ADAMTS2: variants seen among roughly 807,000 people sequenced by gnomAD.
The protein encoded by ADAMTS2 is A disintegrin and metalloproteinase with thrombospondin motifs 2.
A neutral mutation model predicts 123.0 loss-of-function variants in ADAMTS2; 50 were observed. That is an observed-to-expected ratio of 0.41 (90% CI 0.32 to 0.51). The LOEUF (loss-of-function observed/expected upper bound fraction) is 0.51. Ranked by LOEUF, ADAMTS2 falls within the 20% of genes least tolerant of loss-of-function variation. ADAMTS2 has a pLI of 0.35. For synonymous variants in ADAMTS2, 678 were observed against 695.4 expected (o/e 0.98, Z 0.39); for missense variants, 1,494 against 1,705.2 (o/e 0.88, Z 2.18).
intron 5 of ADAMTS2, among the ~76,000 whole-genome samples, chr5:179,172,298 G>A (rs948511968): frequency 5.9e-5 from 9 of 152,176 alleles, no homozygotes; most frequent in Non-Finnish European, 1.0e-4. Context: ...CCTGACAACC[G>A]GTCCCCTGCC....
chr5:179,116,552 T>C (rs1762662862), intron 21 of ADAMTS2, among the ~76,000 whole-genome samples: 1 of 152,128 alleles, frequency 6.6e-6, no homozygotes, highest in Non-Finnish European at 1.5e-5. Context: ...AATTGTCAGA[T>C]GAATGACTAG....
intron 4 of ADAMTS2, among the ~76,000 whole-genome samples, chr5:179,186,601 C>G (rs1764175700): frequency 6.6e-6 from 1 of 152,234 alleles, no homozygotes; most frequent in African/African-American, 2.4e-5. Context: ...ATGGGAACCA[C>G]TGGGAGTAAT....
At chr5:179,169,692 C>A (rs1309828126) in intron 5 of ADAMTS2, among the ~76,000 whole-genome samples, 1 of 152,188 alleles carries the variant, frequency 6.6e-6, no homozygotes, top group African/African-American at 2.4e-5. Flanking sequence ...GGCCTTCCTG[C>A]ACCATGGCTG....
chr5:179,235,787 G>A (rs1318297636), intron 3 of ADAMTS2, among the ~76,000 whole-genome samples: 1 of 152,202 alleles, frequency 6.6e-6, no homozygotes, highest in Non-Finnish European at 1.5e-5. Flanking sequence ...AACCATGTGA[G>A]CCCTGCACAG....
At chr5:179,315,276 G>GGAAAGCACTGAGGCCACAGTTGGCTTCTA in intron 2 of ADAMTS2, among the ~76,000 whole-genome samples, 1 of 152,222 alleles carries the variant, frequency 6.6e-6, no homozygotes, top group African/African-American at 2.4e-5. Context: ...GTTGGCTTCT[G>GGAAAGCACTGAGGCCACAGTTGGCTTCTA]GAAAGCACTG....
intron 4 of ADAMTS2, among the ~76,000 whole-genome samples, chr5:179,191,931 G>A (rs1489789043): frequency 6.6e-6 from 1 of 152,204 alleles, no homozygotes; most frequent in Non-Finnish European, 1.5e-5. Flanking sequence ...GCCAGGGCGT[G>A]GGTAGCTGGC....
chr5:179,187,785 A>AG (rs1764209264), intron 4 of ADAMTS2, among the ~76,000 whole-genome samples: 1 of 152,218 alleles, frequency 6.6e-6, no homozygotes, highest in Non-Finnish European at 1.5e-5. Context: ...TCAAAGCCGC[A>AG]GCCATCTCTG....
intron 3 of ADAMTS2, among the ~76,000 whole-genome samples, chr5:179,237,796 T>A (rs1765564534): frequency 6.6e-6 from 1 of 152,094 alleles, no homozygotes; most frequent in Non-Finnish European, 1.5e-5. Context: ...TGTCCTCTGG[T>A]TTTCCTTGAT....
intron 2 of ADAMTS2, among the ~76,000 whole-genome samples, chr5:179,328,368 G>A (rs1357486151): frequency 6.6e-6 from 1 of 152,236 alleles, no homozygotes; most frequent in Non-Finnish European, 1.5e-5. Context: ...GTGATTATCT[G>A]TGGTTCATAT....
rs1762650426 is a variant in ADAMTS2, at chr5:179,115,991, G to A, written c.3179-1667C>T. Among the ~76,000 whole-genome samples, 1 of 151,810 alleles carries A rather than the reference G, an allele frequency of 6.6e-6. No individual in the cohort carries two copies. Among genetic ancestry groups the A allele is most frequent in the African/African-American group, 2.4e-5 (1 of 41,310 alleles). On this transcript the variant is annotated intron_variant, in intron 21 of 21. Transcript: ENST00000251582. This position sits in a 1 kb window ranked among gnomAD's most constrained non-coding sequence, Gnocchi z 4.4. Reference sequence around the variant, plus strand: ...GGGCCTGTGGGTCCCAAAAGCCCGAGACCCAACCCCTGCAGCGTGAGCTTA... The same window carrying A: ...GGGCCTGTGGGTCCCAAAAGCCCGAAACCCAACCCCTGCAGCGTGAGCTTA...
intron 3 of ADAMTS2, among the ~76,000 whole-genome samples, chr5:179,246,734 G>C (rs923600150): frequency 6.6e-6 from 1 of 152,174 alleles, no homozygotes; most frequent in Non-Finnish European, 1.5e-5. Flanking sequence ...ACAAAGACGA[G>C]GAGAGTATTT....
rs894912551 is a variant in ADAMTS2, at chr5:179,200,492, G to C, written c.891+7021C>G. 1.1e-4 allele frequency among the ~76,000 whole-genome samples: 16 copies of C among 152,066 alleles called. No individual in the cohort carries two copies. In the East Asian group the frequency reaches 2.3e-3, roughly 22 times the overall value. On this transcript the variant is annotated intron_variant, in intron 4 of 21. Transcript: ENST00000251582. Reference sequence around the variant, plus strand: ...TCGAACTCTTGACCTCAAGTGATCCGCCCGCCTTGGCCTCCCAAAGTCCTA... The same window carrying C: ...TCGAACTCTTGACCTCAAGTGATCCCCCCGCCTTGGCCTCCCAAAGTCCTA...
chr5:179,228,273 C>T lies in ADAMTS2; in HGVS notation c.689-20558G>A, dbSNP rs942478238. Among the ~76,000 whole-genome samples the T allele has an allele frequency of 6.6e-6, 1 of 152,330 alleles. No homozygotes were observed. The highest frequency in any genetic ancestry group is 2.4e-5 in the African/African-American group (1 of 41,582). ...AAAGTAGGCATAACGATGCTGGCCA[C>T]AGCCCACAAGTAAGACACATAGAAA... On this transcript the variant is annotated intron_variant, in intron 3 of 21. Coordinates refer to ENST00000251582, the MANE Select transcript of ADAMTS2 (RefSeq NM_014244.5). This position sits in a 1 kb window ranked among gnomAD's most constrained non-coding sequence, Gnocchi z 5.2.
intron 3 of ADAMTS2, among the ~76,000 whole-genome samples, chr5:179,223,560 A>G (rs365584): frequency 2.0e-5 from 1 of 49,866 alleles, no homozygotes; most frequent in South Asian, 6.0e-4. Flanking sequence ...GCACTCACAC[A>G]CACGCGAATG....
At position 179,115,317 on chromosome 5, in the gene ADAMTS2, C is replaced by T. The variant is rs556539223; in HGVS notation, c.3179-993G>A. On this transcript the variant is annotated intron_variant, in intron 21 of 21. Transcript: ENST00000251582. This position sits in a 1 kb window ranked among gnomAD's most constrained non-coding sequence, Gnocchi z 4.4. ...CTCTGTCTCCTTCCCAAGTTTTCAC[C>T]CCTTCCCTCTCCCCATCCCCTCATT... Among the ~76,000 whole-genome samples the T allele has an allele frequency of 6.6e-6, 1 of 152,126 alleles. No homozygotes were observed. The highest frequency in any genetic ancestry group is 2.1e-4 in the South Asian group (1 of 4,830).
At position 179,162,303 on chromosome 5, in the gene ADAMTS2, T is replaced by C. The variant is rs1581162064; in HGVS notation, c.976-3424A>G. On this transcript the variant is annotated intron_variant, in intron 5 of 21. Coordinates refer to ENST00000251582, the MANE Select transcript of ADAMTS2 (RefSeq NM_014244.5). The surrounding 1 kb of genome is among the most constrained non-coding windows in gnomAD (Gnocchi z 5.1). ...CAGCACCACGCCTTCCTGGCCACCA[T>C]GAAGGATCAGGGTGAACATACAACC... Among the ~76,000 whole-genome samples the C allele has an allele frequency of 2.0e-5, 3 of 151,500 alleles. No homozygotes were observed. The highest frequency in any genetic ancestry group is 2.1e-4 in the South Asian group (1 of 4,820).
intron 3 of ADAMTS2, among the ~76,000 whole-genome samples, chr5:179,215,396 T>C (rs113610560): frequency 0.24 from 37,135 of 151,936 alleles, 4,563 homozygotes; most frequent in South Asian, 0.27. Flanking sequence ...TGTGGTAAGC[T>C]GAGATCACGC....
chr5:179,212,296 C>A (rs112371471), intron 3 of ADAMTS2, among the ~76,000 whole-genome samples: 5 of 108,612 alleles, frequency 4.6e-5, no homozygotes, highest in African/African-American at 1.8e-4. Flanking sequence ...AGGCGTGGGC[C>A]CTGAAGGCAG....
At chr5:179,137,234 T>C (rs996058161) in intron 12 of ADAMTS2, among the ~76,000 whole-genome samples, 2 of 152,278 alleles carry the variant, frequency 1.3e-5, no homozygotes, top group Non-Finnish European at 1.5e-5. Flanking sequence ...GGACTGTGTT[T>C]ACAGTCCGTC....
Sources: allele counts gnomAD v4.1 joint callset (sites outside exome capture counted in the v4.1 genomes callset), GRCh38; gene constraint gnomAD v4.1.1; non-coding constraint Gnocchi (gnomAD v3.1); transcripts MANE v1.5; gene names NCBI Gene and HGNC (gene_info 2026-07-23, HGNC 2026-07-21).